Variants in TANGO2 observed in about 807,000 individuals in gnomAD.
TANGO2 encodes transport and golgi organization 2 homolog.
Under a neutral mutation model 39.1 loss-of-function variants are expected in TANGO2, and 26 were observed. The observed-to-expected ratio is 0.67, with a 90% CI of 0.49 to 0.92. The LOEUF (loss-of-function observed/expected upper bound fraction) is 0.92. TANGO2 is among the 40% of genes least tolerant of loss of function. TANGO2 has a pLI of 0.00. For missense variants in TANGO2, 326 were observed against 360.1 expected (o/e 0.91, Z 0.77); for synonymous variants, 131 against 144.5 (o/e 0.91, Z 0.67).
In TANGO2 at chr22:20,025,370, G is replaced by A. The variant is rs547496847; in HGVS notation, c.-40+4124G>A. Among the ~76,000 whole-genome samples, 36 of 152,122 alleles carry A rather than the reference G, an allele frequency of 2.4e-4. 1 individual carries two copies. Among genetic ancestry groups the A allele is most frequent in the African/African-American group, 8.4e-4 (35 of 41,504 alleles). ...GGCCTCCCAAAGTGTTGGGATTACA[G>A]GTGTGAGCCACTGTGCCTGGCCAGT... On this transcript the variant is annotated intron_variant, in intron 1 of 8. Coordinates refer to ENST00000327374, the MANE Select transcript of TANGO2 (RefSeq NM_152906.7).
In TANGO2 at chr22:20,064,877, T is replaced by A. The variant is rs2049014852; in HGVS notation, c.*215T>A. On this transcript the variant is annotated 3_prime_UTR_variant, in exon 9 of 9. Coordinates refer to ENST00000327374, the MANE Select transcript of TANGO2 (RefSeq NM_152906.7). ...GCCAGTGAGGAGCAGCAGAGTCTGA[T>A]ACTAGGTCTAGGACCGGCCGAGGTA... is the stretch of plus-strand genomic sequence containing the variant. 1.6e-6 allele frequency: 1 copy of A among 611,832 alleles called. No individual in the cohort carries two copies. The highest frequency in any genetic ancestry group is 1.9e-5 in the African/African-American group (1 of 53,976). The allele number at this position is 611,832 out of a possible 1,614,324, so 37.9% of individuals were successfully genotyped here.
At position 20,036,847 on chromosome 22, in the gene TANGO2, G is replaced by A. The variant is rs142149828; in HGVS notation, c.49G>A (p.Ala17Thr). The change falls in exon 2 of 9, where the codon GCG (alanine) becomes ACG (threonine). Residue 17 changes from alanine (A) to threonine (T), a missense_variant. Coordinates refer to ENST00000327374, the MANE Select transcript of TANGO2 (RefSeq NM_152906.7). ...TGATCCTCGCCCTGTTTCCAAAAAC[G>A]CGTACAGGTAACCCCCTCGCTCTGC... The part of the protein sequence containing the change: ...KFDPRPVSKN[A>T]YRLILAANRD... The A allele has an allele frequency of 1.7e-5, 28 of 1,614,050 alleles. No homozygotes were observed. Among genetic ancestry groups the A allele is most frequent in the African/African-American group, 6.7e-5 (5 of 74,916 alleles).
At chr22:20,062,114 G>A (rs1475295380) in intron 7 of TANGO2, among the ~76,000 whole-genome samples, 1 of 152,216 alleles carries the variant, frequency 6.6e-6, no homozygotes, top group Non-Finnish European at 1.5e-5. Context: ...CCCGCAAGCG[G>A]TCTGTCCCCA....
chr22:20,049,252 A>G (rs745721064), intron 3 of TANGO2, among the ~76,000 whole-genome samples: 1 of 152,218 alleles, frequency 6.6e-6, no homozygotes, highest in Non-Finnish European at 1.5e-5. Context: ...TTGGTTGTAC[A>G]TCAGTTGAAC....
chr22:20,060,004 G>T (rs1169426580), intron 6 of TANGO2, among the ~76,000 whole-genome samples: 1 of 151,066 alleles, frequency 6.6e-6, no homozygotes, highest in African/African-American at 2.4e-5. Flanking sequence ...CACCCAGGCT[G>T]GAGTGCAGTG....
At chr22:20,041,703 C>CA (rs2043981507) in intron 2 of TANGO2, among the ~76,000 whole-genome samples, 1 of 152,156 alleles carries the variant, frequency 6.6e-6, no homozygotes, top group South Asian at 2.1e-4. Flanking sequence ...ACCTCGGCCT[C>CA]GCAAAATGCT....
intron 2 of TANGO2, among the ~76,000 whole-genome samples, chr22:20,043,001 G>A (rs764072129): frequency 2.2e-4 from 33 of 152,176 alleles, no homozygotes; most frequent in Middle Eastern, 6.8e-3. Flanking sequence ...GGGACAGATG[G>A]ACAGAAGGAG....
At chr22:20,056,713 G>C in intron 6 of TANGO2, 2 of 456,618 alleles carry the variant, frequency 4.4e-6, no homozygotes, top group Non-Finnish European at 8.8e-6. Context: ...CTTGTCCCAG[G>C]TCTGGTGCCA....
intron 6 of TANGO2, among the ~76,000 whole-genome samples, chr22:20,059,892 T>C (rs964413583): frequency 3.1e-4 from 47 of 152,142 alleles, no homozygotes; most frequent in African/African-American, 1.1e-3. Context: ...CTTTCCCCAA[T>C]ACTTTCTTCT....
At chr22:20,064,131 G>C (rs890499334) in intron 8 of TANGO2, among the ~76,000 whole-genome samples, 4 of 152,228 alleles carry the variant, frequency 2.6e-5, no homozygotes, top group African/African-American at 9.6e-5. Flanking sequence ...AAGCCTTCCA[G>C]ACAGAGGAGG....
At chr22:20,037,821 A>G (rs1053100923) in intron 2 of TANGO2, among the ~76,000 whole-genome samples, 18 of 152,132 alleles carry the variant, frequency 1.2e-4, no homozygotes, top group African/African-American at 4.3e-4. Context: ...GGGCTGGCCG[A>G]GCACGGTGGC....
intron 6 of TANGO2, 175 bp downstream of exon 6, chr22:20,056,188 C>A: frequency 1.4e-6 from 1 of 704,492 alleles, no homozygotes; most frequent in African/African-American, 1.7e-5. Context: ...CTTCAGAGAG[C>A]CCTGGCTCCC....
chr22:20,032,796 T>C (rs1317298946), intron 1 of TANGO2, among the ~76,000 whole-genome samples: 2 of 152,214 alleles, frequency 1.3e-5, no homozygotes, highest in African/African-American at 4.8e-5. Context: ...CCTGGTGTGA[T>C]GGGACCTGTG....
chr22:20,043,550 G>A (rs761437937), intron 3 of TANGO2, 107 bp downstream of exon 3: 15 of 772,978 alleles, frequency 1.9e-5, no homozygotes, highest in South Asian at 3.5e-5. Flanking sequence ...GTGTGATGGC[G>A]GGGTGTAGAG....
upstream of TANGO2, among the ~76,000 whole-genome samples, chr22:20,018,022 A>G (rs1945322870): frequency 6.6e-6 from 1 of 152,202 alleles, no homozygotes; most frequent in Admixed American, 6.5e-5. Flanking sequence ...GGGTGTGACC[A>G]GACACTCTTG....
rs2048345056 is a variant in TANGO2, at chr22:20,061,343, C to G, written c.452-187C>G. ...CTTCCGCCTACTGCTGAGTTCTCCTCTCCTTGCCATGCCATCAGGTCAGGA... is the reference window on the plus strand; with the variant it reads ...CTTCCGCCTACTGCTGAGTTCTCCTGTCCTTGCCATGCCATCAGGTCAGGA... On this transcript the variant is annotated intron_variant, in intron 6 of 8. Coordinates refer to ENST00000327374, the MANE Select transcript of TANGO2 (RefSeq NM_152906.7). The G allele has an allele frequency of 8.0e-6, 5 of 626,228 alleles. No individual in the cohort carries two copies. In the East Asian group the frequency reaches 1.5e-4, roughly 19 times the overall value. 38.8% of individuals were successfully genotyped at this position (626,228 alleles called of 1,614,324 possible).
chr22:20,024,091 G>T (rs2040262931), intron 1 of TANGO2, among the ~76,000 whole-genome samples: 1 of 152,132 alleles, frequency 6.6e-6, no homozygotes. Context: ...AAAGGCTGAG[G>T]CAGGAGAATT....
intron 2 of TANGO2, among the ~76,000 whole-genome samples, chr22:20,043,145 T>C (rs1300662229): frequency 6.6e-6 from 1 of 152,302 alleles, no homozygotes; most frequent in East Asian, 1.9e-4. Flanking sequence ...TCCTCCTGTT[T>C]CCCGTGCGGT....
chr22:20,063,494 C>T (rs764494692), intron 8 of TANGO2, 52 bp downstream of exon 8: 20 of 1,503,944 alleles, frequency 1.3e-5, no homozygotes, highest in African/African-American at 9.7e-5. Context: ...CCACCTCCCA[C>T]GCTAGAGGGC....
Sources: allele counts gnomAD v4.1 joint callset (sites outside exome capture counted in the v4.1 genomes callset), GRCh38; gene constraint gnomAD v4.1.1; transcripts MANE v1.5; gene names NCBI Gene and HGNC (gene_info 2026-07-23, HGNC 2026-07-21).